The following ARB2A variants were observed in gnomAD, a reference collection of about 807,000 sequenced individuals.
ARB2A encodes ARB2 cotranscriptional regulator A, also known as cotranscriptional regulator ARB2A.
the ARB2A span, among the ~76,000 whole-genome samples, chr5:93,871,891 A>C: frequency 6.6e-6 from 1 of 151,942 alleles, no homozygotes; most frequent in Non-Finnish European, 1.5e-5. Flanking sequence ...CTCTGCCATA[A>C]TTCTTCCCAT....
the ARB2A span, chr5:93,619,835 T>A: frequency 6.6e-6 from 1 of 152,216 alleles, no homozygotes; most frequent in Non-Finnish European, 1.5e-5. Context: ...ATTATACCAT[T>A]GGACTGAGAG....
chr5:94,034,165 T>G, the ARB2A span, among the ~76,000 whole-genome samples: 3 of 152,194 alleles, frequency 2.0e-5, no homozygotes, highest in Admixed American at 2.0e-4. Flanking sequence ...TTACCTAGTC[T>G]CTGGAATTCT....
the ARB2A span, among the ~76,000 whole-genome samples, chr5:93,625,463 A>G: frequency 6.6e-6 from 1 of 152,186 alleles, no homozygotes; most frequent in South Asian, 2.1e-4. Flanking sequence ...TACAGAGCAG[A>G]AAATACCTAT....
At chr5:93,675,935 T>C in the ARB2A span, among the ~76,000 whole-genome samples, 1 of 152,204 alleles carries the variant, frequency 6.6e-6, no homozygotes, top group Non-Finnish European at 1.5e-5. Context: ...TCGGAAAACT[T>C]AGTGGAACAA....
At chr5:93,807,695 CTG>C in the ARB2A span, among the ~76,000 whole-genome samples, 3 of 151,918 alleles carry the variant, frequency 2.0e-5, no homozygotes, top group Non-Finnish European at 4.4e-5. Context: ...GCAAGATACA[CTG>C]TTTTAAAAAC....
the ARB2A span, among the ~76,000 whole-genome samples, chr5:93,982,785 T>C: frequency 6.6e-6 from 1 of 152,348 alleles, no homozygotes; most frequent in African/African-American, 2.4e-5. Flanking sequence ...AAGGGCACAG[T>C]GGCTCATGCC....
chr5:93,726,866 TATA>T, the ARB2A span, among the ~76,000 whole-genome samples: 1 of 152,068 alleles, frequency 6.6e-6, no homozygotes, highest in Non-Finnish European at 1.5e-5. Flanking sequence ...TACAGTAAAT[TATA>T]ATAGTGGCAT....
chr5:93,701,205 C>A, the ARB2A span, among the ~76,000 whole-genome samples: 2 of 152,102 alleles, frequency 1.3e-5, no homozygotes, highest in East Asian at 3.8e-4. Context: ...TTGTATGCTT[C>A]TTTTTACTGT....
the ARB2A span, among the ~76,000 whole-genome samples, chr5:94,066,463 C>A: frequency 6.5e-4 from 95 of 146,134 alleles, 1 homozygote; most frequent in East Asian, 0.015. Flanking sequence ...CACACACACA[C>A]ACATAAAAAC....
At chr5:93,995,196 T>C in the ARB2A span, among the ~76,000 whole-genome samples, 3 of 152,204 alleles carry the variant, frequency 2.0e-5, no homozygotes, top group African/African-American at 7.2e-5. Context: ...CCTGTTGGTA[T>C]TGCAGTAAGC....
At chr5:94,011,267 G>C in the ARB2A span, among the ~76,000 whole-genome samples, 1 of 152,026 alleles carries the variant, frequency 6.6e-6, no homozygotes, top group African/African-American at 2.4e-5. Context: ...CCTAGTGCTT[G>C]GATTTTTTCT....
chr5:93,627,438 GTTTTGTTTT>G, the ARB2A span, among the ~76,000 whole-genome samples: 127 of 108,090 alleles, frequency 1.2e-3, 1 homozygote, highest in African/African-American at 4.3e-3. Context: ...TACAAAATGT[GTTTTGTTTT>G]TTTTTTTTTT....
the ARB2A span, among the ~76,000 whole-genome samples, chr5:93,996,214 T>C: frequency 6.6e-6 from 1 of 152,052 alleles, no homozygotes; most frequent in African/African-American, 2.4e-5. Context: ...AATATATACA[T>C]ACACACATAC....
the ARB2A span, among the ~76,000 whole-genome samples, chr5:93,774,143 A>G: frequency 6.6e-6 from 1 of 152,172 alleles, no homozygotes; most frequent in Non-Finnish European, 1.5e-5. Context: ...CCCATAGAAG[A>G]CGGTGAACTT....
chr5:93,800,094 A>C, the ARB2A span, among the ~76,000 whole-genome samples: 2 of 152,068 alleles, frequency 1.3e-5, no homozygotes, highest in African/African-American at 2.4e-5. Context: ...ATTTTAAATA[A>C]TTTCTAATTG....
chr5:93,680,681 C>G, the ARB2A span, among the ~76,000 whole-genome samples: 1 of 152,084 alleles, frequency 6.6e-6, no homozygotes, highest in Non-Finnish European at 1.5e-5. Flanking sequence ...AAAGGTTAAT[C>G]TGATTATTGG....
the ARB2A span, among the ~76,000 whole-genome samples, chr5:93,980,121 A>C: frequency 6.6e-6 from 1 of 152,090 alleles, no homozygotes; most frequent in Non-Finnish European, 1.5e-5. Flanking sequence ...ATTCTTTCTT[A>C]GTTGCATCCC....
chr5:93,859,774 T>C, the ARB2A span, among the ~76,000 whole-genome samples: 1 of 152,338 alleles, frequency 6.6e-6, no homozygotes, highest in African/African-American at 2.4e-5. Flanking sequence ...CATATTATAG[T>C]ATCCAGGCTA....
At chr5:94,027,914 T>C in the ARB2A span, among the ~76,000 whole-genome samples, 1 of 152,098 alleles carries the variant, frequency 6.6e-6, no homozygotes, top group Non-Finnish European at 1.5e-5. Context: ...TTTCAGAGGC[T>C]ATCTCCAGGT....
Sources: gnomAD v4.1 joint callset for allele counts (sites outside exome capture counted in the v4.1 genomes callset) on GRCh38, gnomAD v4.1.1 for gene constraint, MANE v1.5 for transcripts, NCBI Gene and HGNC (gene_info 2026-07-23, HGNC 2026-07-21) for gene names.